The following MAGI1 variants were observed in gnomAD, a reference collection of about 807,000 sequenced individuals.
The protein encoded by MAGI1 is membrane associated guanylate kinase, WW and PDZ domain containing 1.
Under a neutral mutation model 139.9 loss-of-function variants are expected in MAGI1, and 58 were observed. The observed-to-expected ratio is 0.41, with a 90% CI of 0.34 to 0.52. The LOEUF (loss-of-function observed/expected upper bound fraction) is 0.52. MAGI1 is among the 20% of genes least tolerant of loss of function. The pLI is 0.12. For synonymous variants in MAGI1, 812 were observed against 737.9 expected (o/e 1.10, Z -1.63); for missense variants, 1,874 against 1,901.6 (o/e 0.99, Z 0.27).
chr3:65,937,383 C>T (rs981725234), intron 1 of MAGI1, among the ~76,000 whole-genome samples: 7 of 152,138 alleles, frequency 4.6e-5, no homozygotes, highest in Non-Finnish European at 1.0e-4. Context: ...TGTTCAGCTA[C>T]GGAAATCCTC....
At chr3:65,437,402 C>T (rs1243092986) in intron 9 of MAGI1, among the ~76,000 whole-genome samples, 155 bp from the exon 10 acceptor site, 2 of 18,178 alleles carry the variant, frequency 1.1e-4, no homozygotes, top group African/African-American at 3.8e-4. Context: ...TTCTATGAAG[C>T]TCTTTTTTTT....
intron 1 of MAGI1, among the ~76,000 whole-genome samples, chr3:65,995,145 G>C (rs540186434): frequency 6.6e-6 from 1 of 152,158 alleles, no homozygotes; most frequent in African/African-American, 2.4e-5. Context: ...TAGAAAACTC[G>C]GAAGGAACCG....
intron 2 of MAGI1, among the ~76,000 whole-genome samples, chr3:65,577,420 G>C (rs1271291663): frequency 1.3e-5 from 2 of 151,872 alleles, no homozygotes; most frequent in Non-Finnish European, 2.9e-5. Flanking sequence ...ATCAAACACG[G>C]CTCCTATCTT....
rs2069048230 is a variant in MAGI1 at position 66,038,179 on chromosome 3, C to A, written c.130G>T (p.Val44Phe). The A allele has an allele frequency of 1.2e-6, 2 of 1,612,098 alleles. No homozygotes were observed. The highest frequency in any genetic ancestry group is 1.3e-5 in the African/African-American group (1 of 74,922). Residue 44 changes from valine (V) to phenylalanine (F), a missense_variant, in exon 1 of 23, where the codon GTC (valine) becomes TTC (phenylalanine). Transcript: ENST00000402939. ...GCCTCGACCGCCGCCACCGCTCCGA[C>A]GTACGGAAACTCCCCGTGCTCCGCG... Reference protein sequence around the residue: ...GGAEHGEFPYVGAVAAVEAAG... With the variant: ...GGAEHGEFPYFGAVAAVEAAG...
chr3:66,006,539 A>G (rs1046195352), intron 1 of MAGI1, among the ~76,000 whole-genome samples: 4 of 152,174 alleles, frequency 2.6e-5, no homozygotes, highest in Admixed American at 2.6e-4. Flanking sequence ...AAGACAAACT[A>G]GAATGGTTTA....
intron 1 of MAGI1, among the ~76,000 whole-genome samples, chr3:65,734,517 AAGAG>A (rs1374533579): frequency 2.5e-4 from 37 of 149,116 alleles, no homozygotes; most frequent in African/African-American, 7.7e-4. Context: ...GAGAGAAAGA[AAGAG>A]AGAAAGAGAG....
rs529185651 is a variant in MAGI1, at chr3:65,817,435, T to C, written c.314-195347A>G. On this transcript the variant is annotated intron_variant, in intron 1 of 22. Coordinates refer to ENST00000402939, the MANE Select transcript of MAGI1 (RefSeq NM_001033057.2). ...GAAGACATCATTTATGGCTCTACAT[T>C]TGCCTTTATACGCAGTAATACTAAA... Among the ~76,000 whole-genome samples the C allele has an allele frequency of 2.6e-5, 4 of 152,306 alleles. No homozygotes were observed. The East Asian group carries it at 7.7e-4, about 29-fold the overall frequency.
chr3:65,506,806 C>T (rs1553656029), intron 2 of MAGI1, among the ~76,000 whole-genome samples: 1 of 151,966 alleles, frequency 6.6e-6, no homozygotes, highest in Non-Finnish European at 1.5e-5. Context: ...TATTATATAA[C>T]TAGATATAAA....
intron 12 of MAGI1, among the ~76,000 whole-genome samples, chr3:65,403,436 A>G (rs1295962232): frequency 6.6e-6 from 1 of 152,224 alleles, no homozygotes; most frequent in African/African-American, 2.4e-5. Flanking sequence ...ATAACGATTA[A>G]GTGCTTTTTT....
intron 1 of MAGI1, among the ~76,000 whole-genome samples, chr3:65,735,233 C>G (rs1331897495): frequency 6.6e-6 from 1 of 152,098 alleles, no homozygotes; most frequent in South Asian, 2.1e-4. Flanking sequence ...TTTAAAATTT[C>G]ACTTTATAGA....
At chr3:65,842,383 G>A (rs1262228760) in intron 1 of MAGI1, among the ~76,000 whole-genome samples, 10 of 147,612 alleles carry the variant, frequency 6.8e-5, no homozygotes, top group East Asian at 2.0e-4. Flanking sequence ...TTTTTGACAC[G>A]GAGTTTCGCT....
At chr3:65,482,500 T>A (rs1211636384) in intron 3 of MAGI1, among the ~76,000 whole-genome samples, 1 of 152,208 alleles carries the variant, frequency 6.6e-6, no homozygotes, top group Non-Finnish European at 1.5e-5. Context: ...TCAGTCTCTC[T>A]AGTACTTTCT....
intron 18 of MAGI1, among the ~76,000 whole-genome samples, chr3:65,367,285 T>C (rs994547247): frequency 1.3e-5 from 2 of 152,226 alleles, no homozygotes; most frequent in Admixed American, 6.5e-5. Flanking sequence ...TCAGATTCCA[T>C]TCTCAAATTA....
chr3:65,877,351 T>G (rs1011695896), intron 1 of MAGI1, among the ~76,000 whole-genome samples: 17 of 152,146 alleles, frequency 1.1e-4, no homozygotes, highest in African/African-American at 3.9e-4. Flanking sequence ...GAGTAACATC[T>G]CAGGGCATGG....
At chr3:65,421,285 G>C (rs1946616532) in intron 12 of MAGI1, among the ~76,000 whole-genome samples, 1 of 152,128 alleles carries the variant, frequency 6.6e-6, no homozygotes, top group South Asian at 2.1e-4. Flanking sequence ...ATACCAAATT[G>C]GAATGCCATC....
intron 1 of MAGI1, among the ~76,000 whole-genome samples, chr3:65,796,285 T>C (rs915760640): frequency 2.0e-5 from 3 of 152,192 alleles, no homozygotes; most frequent in Non-Finnish European, 4.4e-5. Context: ...ACTGATTTGA[T>C]TGATGAGGCC....
At chr3:65,821,506 T>G (rs1160034310) in intron 1 of MAGI1, among the ~76,000 whole-genome samples, 1 of 152,210 alleles carries the variant, frequency 6.6e-6, no homozygotes, top group Non-Finnish European at 1.5e-5. Context: ...CACCTGGATA[T>G]TTCCTTGGAT....
intron 1 of MAGI1, among the ~76,000 whole-genome samples, chr3:65,628,005 T>C (rs531694237): frequency 6.6e-6 from 1 of 152,312 alleles, no homozygotes; most frequent in Admixed American, 6.5e-5. Flanking sequence ...AAAATTAAGC[T>C]ATTTCCAATA....
At chr3:65,379,586 G>C (rs765377048) in intron 16 of MAGI1, 32 bp from the exon 17 acceptor site, 2 of 1,578,594 alleles carry the variant, frequency 1.3e-6, no homozygotes, top group Admixed American at 3.4e-5. Flanking sequence ...GTACATCACC[G>C]TGTCCTGCAG....
Sources: allele counts gnomAD v4.1 joint callset (sites outside exome capture counted in the v4.1 genomes callset), GRCh38; gene constraint gnomAD v4.1.1; transcripts MANE v1.5; gene names NCBI Gene and HGNC (gene_info 2026-07-23, HGNC 2026-07-21).